Variants in CDIN1 observed in about 807,000 individuals in gnomAD.
CDIN1 encodes CDAN1-interacting nuclease 1.
CDIN1 carries 33 observed loss-of-function variants against 45.3 expected under a neutral mutation model. The observed-to-expected ratio is 0.73, with a 90% CI of 0.55 to 0.97. The LOEUF is 0.97. CDIN1 is among the 50% of genes least tolerant of loss of function. The probability of loss-of-function intolerance (pLI) is 0.00; values close to 1 mark genes in which losing one functional copy is unlikely to be tolerated. For missense variants in CDIN1, 303 were observed against 339.4 expected (o/e 0.89, Z 0.84); for synonymous variants, 118 against 124.4 (o/e 0.95, Z 0.34).
At chr15:36,734,963 C>T (rs866128198) in intron 10 of CDIN1, among the ~76,000 whole-genome samples, 14 of 152,054 alleles carry the variant, frequency 9.2e-5, no homozygotes, top group African/African-American at 3.4e-4. Context: ...GACTTGTTTC[C>T]AGTTTAGCTC....
At chr15:36,781,428 A>T (rs144944615) in intron 10 of CDIN1, among the ~76,000 whole-genome samples, 74 of 152,322 alleles carry the variant, frequency 4.9e-4, no homozygotes, top group Middle Eastern at 6.8e-3. Context: ...CACACAGCCA[A>T]TTACAGTCAG....
chr15:36,645,843 G>A, intron 3 of CDIN1, among the ~76,000 whole-genome samples: 1 of 152,060 alleles, frequency 6.6e-6, no homozygotes, highest in East Asian at 1.9e-4. Context: ...AGGGGATTTT[G>A]TATTTTTAAA....
chr15:36,751,696 G>A lies in CDIN1; in HGVS notation c.716+41735G>A, dbSNP rs181714078. ...CATTCTGTTATAAAGATACATGCAC[G>A]TGTATGTTCATTGCAGCACTATTCA... On this transcript the variant is annotated intron_variant, in intron 10 of 10. Coordinates refer to ENST00000566621, the MANE Select transcript of CDIN1 (RefSeq NM_001321759.2). Among the ~76,000 whole-genome samples, 7 of 152,152 alleles carry A rather than the reference G, an allele frequency of 4.6e-5. No homozygotes were observed. In the South Asian group the frequency reaches 1.0e-3, roughly 23 times the overall value.
intron 1 of CDIN1, among the ~76,000 whole-genome samples, chr15:36,581,335 C>T (rs2037033806): frequency 6.6e-6 from 1 of 151,830 alleles, no homozygotes; most frequent in Admixed American, 6.6e-5. Context: ...TTCTCTTTTT[C>T]GTTCTTTTCT....
intron 10 of CDIN1, among the ~76,000 whole-genome samples, chr15:36,755,769 G>A (rs762941595): frequency 1.6e-4 from 25 of 152,086 alleles, no homozygotes; most frequent in Non-Finnish European, 2.6e-4. Context: ...GGGTTTTTCA[G>A]CCATCACTTA....
intron 5 of CDIN1, among the ~76,000 whole-genome samples, chr15:36,677,109 C>T (rs958088022): frequency 6.6e-6 from 1 of 152,116 alleles, no homozygotes; most frequent in Non-Finnish European, 1.5e-5. Flanking sequence ...TGTATTTATT[C>T]AGCAGTTTGT....
chr15:36,747,379 C>T (rs545055423), intron 10 of CDIN1: 1 of 175,996 alleles, frequency 5.7e-6, no homozygotes, highest in East Asian at 1.4e-4. Flanking sequence ...TTCAGTTGGC[C>T]TAGAGTTTTC....
chr15:36,590,103 A>G (rs2037504664), intron 1 of CDIN1, among the ~76,000 whole-genome samples: 1 of 152,174 alleles, frequency 6.6e-6, no homozygotes, highest in Non-Finnish European at 1.5e-5. Context: ...GTCACTTTCA[A>G]GTTACGTCTC....
intron 10 of CDIN1, among the ~76,000 whole-genome samples, chr15:36,751,229 T>TTATATATATTTATATATA (rs2053458039): frequency 1.0e-5 from 1 of 97,612 alleles, no homozygotes; most frequent in African/African-American, 4.3e-5. Context: ...TATGCTTATT[T>TTATATATATTTATATATA]TATATATATA....
At chr15:36,639,800 C>G (rs908523310) in intron 1 of CDIN1, among the ~76,000 whole-genome samples, 1 of 152,092 alleles carries the variant, frequency 6.6e-6, no homozygotes, top group African/African-American at 2.4e-5. Context: ...ACCAGTCCCC[C>G]CAACAGATAC....
At chr15:36,783,150 T>G (rs567063259) in intron 10 of CDIN1, among the ~76,000 whole-genome samples, 9 of 152,320 alleles carry the variant, frequency 5.9e-5, no homozygotes, top group South Asian at 2.1e-4. Context: ...AAGCTATGGT[T>G]AAATTCTAAT....
chr15:36,710,383 A>G (rs1323822485), intron 10 of CDIN1, among the ~76,000 whole-genome samples: 1 of 152,206 alleles, frequency 6.6e-6, no homozygotes, highest in Non-Finnish European at 1.5e-5. Context: ...GAAATAATAC[A>G]CCTTCCAAGA....
In CDIN1 at chr15:36,732,052, T is replaced by C. The variant is rs368228837; in HGVS notation, c.716+22091T>C. Among the ~76,000 whole-genome samples, 5 of 152,282 alleles carry C rather than the reference T, an allele frequency of 3.3e-5. No individual in the cohort carries two copies. In the East Asian group the frequency reaches 5.8e-4, roughly 18 times the overall value. On this transcript the variant is annotated intron_variant, in intron 10 of 10. Transcript: ENST00000566621. ...ATGATTATCACAGTTTTAGACTCCTTAATGTGACAGGTAGACTTGCTGAAG... is the reference window on the plus strand; with the variant it reads ...ATGATTATCACAGTTTTAGACTCCTCAATGTGACAGGTAGACTTGCTGAAG...
chr15:36,620,059 T>C (rs550812231), intron 1 of CDIN1, among the ~76,000 whole-genome samples: 1 of 152,234 alleles, frequency 6.6e-6, no homozygotes, highest in African/African-American at 2.4e-5. Flanking sequence ...CTTAAAAACA[T>C]TGAAAATTTC....
At chr15:36,706,964 A>G (rs2042889259) in intron 8 of CDIN1, 1 of 152,132 alleles carries the variant, frequency 6.6e-6, no homozygotes. Flanking sequence ...TAGAACAGTG[A>G]ACAAGGCCAC....
chr15:36,707,930 A>G (rs904039663), intron 8 of CDIN1: 3 of 152,130 alleles, frequency 2.0e-5, no homozygotes, highest in Non-Finnish European at 4.4e-5. Context: ...GAGATTTTTT[A>G]TATTTCAAGG....
rs1379216320 is a variant in CDIN1 at position 36,719,825 on chromosome 15, C to T, written c.716+9864C>T. Among the ~76,000 whole-genome samples, 6 of 152,000 alleles carry T rather than the reference C, an allele frequency of 3.9e-5. No homozygotes were observed. The East Asian group carries it at 1.2e-3, about 29-fold the overall frequency. Reference sequence around the variant, plus strand: ...GTAGTTATAAGACATTCAGGTTATGCCTTTTTTTTCTTGAATGAGCTTTGG... The same window carrying T: ...GTAGTTATAAGACATTCAGGTTATGTCTTTTTTTTCTTGAATGAGCTTTGG... On this transcript the variant is annotated intron_variant, in intron 10 of 10. Coordinates refer to ENST00000566621, the MANE Select transcript of CDIN1 (RefSeq NM_001321759.2).
chr15:36,657,545 A>G (rs957749282), intron 4 of CDIN1, among the ~76,000 whole-genome samples: 7 of 152,284 alleles, frequency 4.6e-5, no homozygotes, highest in Admixed American at 2.0e-4. Flanking sequence ...GAGAGATGAA[A>G]AAAGCCTATT....
intron 1 of CDIN1, chr15:36,613,540 T>A: frequency 6.6e-7 from 1 of 1,520,878 alleles, no homozygotes; most frequent in Non-Finnish European, 9.0e-7. Flanking sequence ...AGGCAGATGA[T>A]GCAGAGGAGT....
Sources: gnomAD v4.1 joint callset for allele counts (sites outside exome capture counted in the v4.1 genomes callset) on GRCh38, gnomAD v4.1.1 for gene constraint, MANE v1.5 for transcripts, NCBI Gene and HGNC (gene_info 2026-07-23, HGNC 2026-07-21) for gene names.